The following FBXO28 variants were observed in gnomAD, a reference collection of about 807,000 sequenced individuals.
FBXO28 encodes the protein F-box protein 28.
A neutral mutation model predicts 38.1 loss-of-function variants in FBXO28; 8 were observed. That is an observed-to-expected ratio of 0.21 (90% CI 0.12 to 0.38). FBXO28 has a LOEUF of 0.38. FBXO28 is among the 10% of genes least tolerant of loss of function. The pLI is 1.00. For synonymous variants in FBXO28, 168 were observed against 173.8 expected (o/e 0.97, Z 0.26); for missense variants, 345 against 460.6 (o/e 0.75, Z 2.30).
At chr1:224,139,468 G>A (rs1657285954) in intron 3 of FBXO28, among the ~76,000 whole-genome samples, 1 of 151,780 alleles carries the variant, frequency 6.6e-6, no homozygotes, top group African/African-American at 2.4e-5. Context: ...TTTTGGCCGA[G>A]CACAGTGGCT....
chr1:224,143,203 A>G (rs1223359608), intron 3 of FBXO28, among the ~76,000 whole-genome samples: 1 of 148,486 alleles, frequency 6.7e-6, no homozygotes, highest in Non-Finnish European at 1.5e-5. Flanking sequence ...TGGGTGACAG[A>G]GTGAGACTCT....
chr1:224,141,620 G>A (rs947662167), intron 3 of FBXO28, among the ~76,000 whole-genome samples: 5 of 152,110 alleles, frequency 3.3e-5, no homozygotes, highest in African/African-American at 1.2e-4. Flanking sequence ...TAGGCTATAT[G>A]GTATAGTCTA....
chr1:224,134,647 A>G (rs567367131), intron 3 of FBXO28, among the ~76,000 whole-genome samples: 1 of 152,216 alleles, frequency 6.6e-6, no homozygotes, highest in Non-Finnish European at 1.5e-5. Flanking sequence ...TGATTTGACA[A>G]GAATAAACAA....
Position 224,161,985 on chromosome 1 carries a change from GA to G in FBXO28, c.*4242del, listed in dbSNP as rs1340459845. 7 of 152,122 alleles carry G rather than the reference GA, an allele frequency of 4.6e-5. No homozygotes were observed. The highest frequency in any genetic ancestry group is 3.9e-4 in the Admixed American group (6 of 15,272). The allele number at this position is 152,122 out of a possible 1,614,324, so 9.4% of individuals were successfully genotyped here. A position where few individuals can be genotyped will look rare whatever the true frequency, so the allele number is the denominator to read the frequency against. ...ATTGTTATAACCGAATCAATTATTG[GA>G]AAGTGAAAAACACCTCCCGGTCACA... On this transcript the variant is annotated 3_prime_UTR_variant, in exon 5 of 5. Coordinates refer to ENST00000366862, the MANE Select transcript of FBXO28 (RefSeq NM_015176.4).
chr1:224,140,951 A>AAG (rs1657332073), intron 3 of FBXO28, among the ~76,000 whole-genome samples: 1 of 150,336 alleles, frequency 6.7e-6, no homozygotes, highest in Non-Finnish European at 1.5e-5. Context: ...GTCTCAAAAA[A>AAG]AAAAAATTAT....
chr1:224,149,913 G>A (rs946636723), intron 3 of FBXO28, among the ~76,000 whole-genome samples: 3 of 152,234 alleles, frequency 2.0e-5, no homozygotes, highest in African/African-American at 7.2e-5. Flanking sequence ...CCAGGAAAGG[G>A]ATCAGCATGT....
chr1:224,142,310 C>T (rs1657376484), intron 3 of FBXO28, among the ~76,000 whole-genome samples: 1 of 150,862 alleles, frequency 6.6e-6, no homozygotes, highest in African/African-American at 2.4e-5. Context: ...TGAGATTATG[C>T]CATTGCATTC....
chr1:224,156,212 G>T (rs1657769017), intron 4 of FBXO28, among the ~76,000 whole-genome samples: 1 of 152,076 alleles, frequency 6.6e-6, no homozygotes, highest in South Asian at 2.1e-4. Flanking sequence ...AAAGAAAGTA[G>T]GTTCTTTGTT....
rs1432736750 is a variant in FBXO28 at position 224,160,967 on chromosome 1, A to C, written c.*3221A>C. 2 of 152,196 alleles carry C rather than the reference A, an allele frequency of 1.3e-5. No homozygotes were observed. Among genetic ancestry groups the C allele is most frequent in the African/African-American group, 4.8e-5 (2 of 41,444 alleles). 9.4% of individuals were successfully genotyped at this position (152,196 alleles called of 1,614,324 possible). On this transcript the variant is annotated 3_prime_UTR_variant, in exon 5 of 5. Transcript: ENST00000366862. ...ATAAAACTAGGCTATGTGTAATAAAAATAATGGCACCTTAAGATTGCACTA... is the reference window on the plus strand; with the variant it reads ...ATAAAACTAGGCTATGTGTAATAAACATAATGGCACCTTAAGATTGCACTA...
chr1:224,126,553 C>T (rs188888283), intron 1 of FBXO28, among the ~76,000 whole-genome samples: 306 of 152,308 alleles, frequency 2.0e-3, no homozygotes, highest in Middle Eastern at 3.4e-3. Flanking sequence ...CAGTGCTCAA[C>T]GCCTGTGAAC....
chr1:224,150,806 G>C (rs1338443786), intron 3 of FBXO28, among the ~76,000 whole-genome samples: 2 of 152,176 alleles, frequency 1.3e-5, no homozygotes, highest in East Asian at 1.9e-4. Context: ...TTTCCTGATA[G>C]AAACTGTCAC....
chr1:224,126,631 A>G (rs922696013), intron 1 of FBXO28, among the ~76,000 whole-genome samples: 1 of 152,148 alleles, frequency 6.6e-6, no homozygotes, highest in African/African-American at 2.4e-5. Context: ...CCTAACCAAC[A>G]TAGTGAAGCC....
At chr1:224,143,917 G>A (rs566173282) in intron 3 of FBXO28, among the ~76,000 whole-genome samples, 19 of 149,190 alleles carry the variant, frequency 1.3e-4, no homozygotes, top group African/African-American at 2.0e-4. Context: ...AGGCTGAGGC[G>A]GGTGGATCAC....
chr1:224,130,179 TA>T (rs1285231621), intron 1 of FBXO28, among the ~76,000 whole-genome samples: 2 of 151,340 alleles, frequency 1.3e-5, no homozygotes, highest in Non-Finnish European at 2.9e-5. Context: ...CTGTCTTTAC[TA>T]AAAATACAAA....
chr1:224,138,489 T>G (rs1279468714), intron 3 of FBXO28, among the ~76,000 whole-genome samples: 3 of 151,956 alleles, frequency 2.0e-5, no homozygotes, highest in Admixed American at 2.0e-4. Flanking sequence ...AAGTACCACA[T>G]TGATATTCTC....
At chr1:224,153,457 T>C (rs1657693575) in intron 4 of FBXO28, 120 bp downstream of exon 4, 1 of 657,384 alleles carries the variant, frequency 1.5e-6, no homozygotes, top group South Asian at 2.3e-5. Context: ...AGCATCATTT[T>C]TAATGAGATT....
chr1:224,152,533 A>T (rs1657671084), intron 3 of FBXO28, among the ~76,000 whole-genome samples: 1 of 152,160 alleles, frequency 6.6e-6, no homozygotes, highest in Non-Finnish European at 1.5e-5. Flanking sequence ...CCCCAGTTAC[A>T]CTGTGATTTC....
chr1:224,132,460 C>T (rs939372229), intron 2 of FBXO28, among the ~76,000 whole-genome samples: 2 of 152,242 alleles, frequency 1.3e-5, no homozygotes, highest in East Asian at 3.9e-4. Flanking sequence ...TTGGAACCTT[C>T]ATATATCAAT....
At chr1:224,139,965 C>T (rs910090535) in intron 3 of FBXO28, among the ~76,000 whole-genome samples, 2 of 152,116 alleles carry the variant, frequency 1.3e-5, no homozygotes, top group Admixed American at 6.6e-5. Context: ...GTGGCATGCA[C>T]CTGTAGCCCC....
Sources: gnomAD v4.1 joint callset for allele counts (sites outside exome capture counted in the v4.1 genomes callset) on GRCh38, gnomAD v4.1.1 for gene constraint, MANE v1.5 for transcripts, NCBI Gene and HGNC (gene_info 2026-07-23, HGNC 2026-07-21) for gene names.